Variants in EEPD1 observed in about 807,000 individuals in gnomAD.
The protein encoded by EEPD1 is endonuclease/exonuclease/phosphatase family domain-containing protein 1.
A neutral mutation model predicts 46.3 loss-of-function variants in EEPD1; 17 were observed. That is an observed-to-expected ratio of 0.37 (90% confidence interval 0.25 to 0.55). The LOEUF (loss-of-function observed/expected upper bound fraction) is 0.55, where lower values mean the gene tolerates loss of function less well. Among genes scored for constraint, EEPD1 ranks in the 20% least tolerant of loss-of-function variants. The pLI is 0.83. For missense variants in EEPD1, 673 were observed against 745.6 expected (o/e 0.90, Z 1.13); for synonymous variants, 313 against 315.6 (o/e 0.99, Z 0.09).
chr7:36,202,010 G>A (rs1785720087), intron 2 of EEPD1, among the ~76,000 whole-genome samples: 1 of 152,204 alleles, frequency 6.6e-6, no homozygotes, highest in Non-Finnish European at 1.5e-5. Flanking sequence ...TGGAAATGCA[G>A]AATCTCGGGC....
At chr7:36,205,274 G>A (rs895846376) in intron 2 of EEPD1, among the ~76,000 whole-genome samples, 1 of 152,166 alleles carries the variant, frequency 6.6e-6, no homozygotes, top group Non-Finnish European at 1.5e-5. Flanking sequence ...TCCCTTACTC[G>A]CTTCTGTATT....
intron 2 of EEPD1, among the ~76,000 whole-genome samples, chr7:36,180,623 G>T (rs1195341260): frequency 6.6e-6 from 1 of 152,164 alleles, no homozygotes; most frequent in East Asian, 1.9e-4. Context: ...GCCCTGGGAA[G>T]TTTAGGTGAC....
chr7:36,234,789 C>T (rs922155261), intron 2 of EEPD1, among the ~76,000 whole-genome samples: 3 of 152,090 alleles, frequency 2.0e-5, no homozygotes, highest in South Asian at 2.1e-4. Flanking sequence ...GAGGAAATGA[C>T]CAGTGAGCAT....
At chr7:36,271,155 T>G (rs1237000292) in intron 3 of EEPD1, among the ~76,000 whole-genome samples, 1 of 151,754 alleles carries the variant, frequency 6.6e-6, no homozygotes, top group Non-Finnish European at 1.5e-5. Flanking sequence ...CCCGGCTAAT[T>G]TTTTGTATTT....
At chr7:36,222,659 T>C (rs1427599469) in intron 2 of EEPD1, among the ~76,000 whole-genome samples, 1 of 152,214 alleles carries the variant, frequency 6.6e-6, no homozygotes, top group Non-Finnish European at 1.5e-5. Flanking sequence ...GTCTGGAGGC[T>C]GGCGAGTCTA....
At chr7:36,248,835 C>T (rs1207899890) in intron 3 of EEPD1, among the ~76,000 whole-genome samples, 1 of 152,026 alleles carries the variant, frequency 6.6e-6, no homozygotes, top group Non-Finnish European at 1.5e-5. Context: ...CATTGTGGAG[C>T]CCAGACTCCG....
chr7:36,273,350 C>T (rs79436478), intron 3 of EEPD1, among the ~76,000 whole-genome samples: 3,356 of 152,178 alleles, frequency 0.022, 134 homozygotes, highest in African/African-American at 0.076. Context: ...ATGTTGGTTT[C>T]CTTTTTCTCC....
intron 4 of EEPD1, among the ~76,000 whole-genome samples, chr7:36,281,920 T>G (rs1787269754): frequency 6.6e-6 from 1 of 152,234 alleles, no homozygotes; most frequent in Non-Finnish European, 1.5e-5. Flanking sequence ...CCTAACATGC[T>G]TACAAACACA....
chr7:36,289,739 C>A (rs942180012), intron 6 of EEPD1, among the ~76,000 whole-genome samples: 4 of 152,214 alleles, frequency 2.6e-5, no homozygotes, highest in Non-Finnish European at 4.4e-5. Flanking sequence ...CGTGATCTGC[C>A]CGCCTCGGCC....
In EEPD1 at chr7:36,172,042, G is replaced by T. The variant is rs114623528; in HGVS notation, c.878+16840G>T. Among the ~76,000 whole-genome samples the T allele has an allele frequency of 5.1e-3, 769 of 152,190 alleles. 5 individuals are homozygous for T. The highest frequency in any genetic ancestry group is 0.018 in the African/African-American group (733 of 41,528). On this transcript the variant is annotated intron_variant, in intron 2 of 7. Transcript: ENST00000242108. ...TACATACAATATAAATAATACTTGG[G>T]CCCTTTTTCTCTGTCTTGTCAGTGT...
In EEPD1 at chr7:36,247,201, G is replaced by A. The variant is rs142918749; in HGVS notation, c.930+8165G>A. Among the ~76,000 whole-genome samples, 67 of 152,160 alleles carry A rather than the reference G, an allele frequency of 4.4e-4. No individual in the cohort carries two copies. In the Middle Eastern group the frequency reaches 0.014, roughly 31 times the overall value. ...GAGTTTCCAGGCAAACCCTAGTGGTGGGCAACGTTAGAATGATAGCTTCCT... is the reference window on the plus strand; with the variant it reads ...GAGTTTCCAGGCAAACCCTAGTGGTAGGCAACGTTAGAATGATAGCTTCCT... On this transcript the variant is annotated intron_variant, in intron 3 of 7. Coordinates refer to ENST00000242108, the MANE Select transcript of EEPD1 (RefSeq NM_030636.3).
chr7:36,279,244 G>A (rs1242054960), intron 3 of EEPD1, among the ~76,000 whole-genome samples: 4 of 152,118 alleles, frequency 2.6e-5, no homozygotes, highest in Admixed American at 1.3e-4. Context: ...GCCAGGTAGG[G>A]GTTTATAAAG....
chr7:36,197,742 C>G (rs1785634410), intron 2 of EEPD1, among the ~76,000 whole-genome samples: 1 of 152,014 alleles, frequency 6.6e-6, no homozygotes. Context: ...CATCACCACT[C>G]CCTAATCTCA....
intron 3 of EEPD1, among the ~76,000 whole-genome samples, chr7:36,254,393 C>T (rs1030580712): frequency 1.3e-5 from 2 of 152,236 alleles, no homozygotes; most frequent in Middle Eastern, 3.4e-3. Context: ...GTTTTCTGTT[C>T]CTGTGTTAGT....
At chr7:36,178,299 G>C (rs1004457478) in intron 2 of EEPD1, among the ~76,000 whole-genome samples, 5 of 152,192 alleles carry the variant, frequency 3.3e-5, no homozygotes, top group African/African-American at 1.2e-4. Context: ...CAGGCTCACT[G>C]CCCAGCCTCT....
intron 2 of EEPD1, among the ~76,000 whole-genome samples, chr7:36,180,185 A>G (rs755801926): frequency 5.9e-5 from 9 of 152,212 alleles, no homozygotes; most frequent in Non-Finnish European, 1.0e-4. Flanking sequence ...GTTTAGAATA[A>G]CTAGCTGATA....
At chr7:36,202,745 A>G (rs1194799181) in intron 2 of EEPD1, among the ~76,000 whole-genome samples, 1 of 152,218 alleles carries the variant, frequency 6.6e-6, no homozygotes, top group Non-Finnish European at 1.5e-5. Context: ...TGCAAGGTGA[A>G]ACCGCCACTA....
chr7:36,298,934 C>A, intron 7 of EEPD1, 73 bp from the exon 8 acceptor site: 1 of 1,546,244 alleles, frequency 6.5e-7, no homozygotes, highest in Non-Finnish European at 8.8e-7. Context: ...TGACCCTCCA[C>A]CTGCCAATCC....
At chr7:36,236,329 G>A (rs1426037444) in intron 2 of EEPD1, among the ~76,000 whole-genome samples, 8 of 152,236 alleles carry the variant, frequency 5.3e-5, no homozygotes, top group African/African-American at 1.7e-4. Flanking sequence ...GCGGGCCACG[G>A]GTTCCAGGTG....
Sources: gnomAD v4.1 joint callset for allele counts (sites outside exome capture counted in the v4.1 genomes callset) on GRCh38, gnomAD v4.1.1 for gene constraint, MANE v1.5 for transcripts, NCBI Gene and HGNC (gene_info 2026-07-23, HGNC 2026-07-21) for gene names.